Variants in APCDD1L observed in about 807,000 individuals in gnomAD.
APCDD1L encodes the protein APC down-regulated 1 like.
A neutral mutation model predicts 24.2 loss-of-function variants in APCDD1L; 21 were observed. That is an observed-to-expected ratio of 0.87 (90% CI 0.61 to 1.25). The LOEUF is 1.25. Ranked by LOEUF, APCDD1L falls within the 50% of genes most tolerant of loss-of-function variation. The pLI, the probability that APCDD1L is intolerant of heterozygous loss-of-function variation, is 0.00. For synonymous variants in APCDD1L, 321 were observed against 323.6 expected (o/e 0.99, Z 0.09); for missense variants, 704 against 711.7 (o/e 0.99, Z 0.12).
chr20:58,489,793 G>A (rs1387759344), intron 1 of APCDD1L, among the ~76,000 whole-genome samples: 1 of 152,150 alleles, frequency 6.6e-6, no homozygotes, highest in East Asian at 1.9e-4. Flanking sequence ...TCTTAGTATG[G>A]ACGGCAGATC....
intron 1 of APCDD1L, among the ~76,000 whole-genome samples, chr20:58,499,640 A>G (rs530721062): frequency 2.6e-5 from 4 of 152,266 alleles, no homozygotes; most frequent in Admixed American, 6.5e-5. Context: ...CTTCCCAAGC[A>G]CGTTCATAGG....
chr20:58,506,297 G>C (rs543118171), intron 1 of APCDD1L, among the ~76,000 whole-genome samples: 36 of 152,138 alleles, frequency 2.4e-4, no homozygotes, highest in Non-Finnish European at 4.4e-4. Flanking sequence ...CACCATTTCT[G>C]TCTCTTTCTC....
At chr20:58,506,557 G>A (rs759235129) in intron 1 of APCDD1L, among the ~76,000 whole-genome samples, 11 of 152,222 alleles carry the variant, frequency 7.2e-5, no homozygotes, top group Non-Finnish European at 1.6e-4. Context: ...ACTGAGGCAT[G>A]GAGGGATTAA....
intron 1 of APCDD1L, among the ~76,000 whole-genome samples, chr20:58,474,036 G>A (rs370568558): frequency 1.3e-5 from 2 of 152,260 alleles, no homozygotes; most frequent in African/African-American, 4.8e-5. Flanking sequence ...GGGGCCTTCC[G>A]GGGAAAGGAC....
chr20:58,484,526 T>C (rs572812789), intron 1 of APCDD1L, among the ~76,000 whole-genome samples: 1 of 152,352 alleles, frequency 6.6e-6, no homozygotes, highest in Non-Finnish European at 1.5e-5. Flanking sequence ...ATCATTTTTA[T>C]AAAATGGGGT....
In APCDD1L at chr20:58,461,265, C is replaced by G. The variant is rs769199357; in HGVS notation, c.1031G>C (p.Arg344Thr). 3 of 1,613,306 alleles carry G rather than the reference C, an allele frequency of 1.9e-6. No homozygotes were observed. The highest frequency in any genetic ancestry group is 4.5e-5 in the East Asian group (2 of 44,852). Residue 344 changes from arginine to threonine, a missense_variant, in exon 4 of 4, where the codon AGG becomes ACG. Physicochemically the swap from Arg to Thr is moderately conservative, Grantham distance 71. Transcript: ENST00000371149. The surrounding 1 kb of genome is among the most constrained non-coding windows in gnomAD (Gnocchi z 6.0). ...CACCAGCTCGGTGCCGCCGCGGACC[C>G]TGGTGGATGGCGTGCCCCTGGTGTA... ...GRYTRGTPSTRVRGGTELVFE... is the reference protein window; with the variant it reads ...GRYTRGTPSTTVRGGTELVFE...
Position 58,501,647 on chromosome 20 carries a change from T to C in APCDD1L, c.49+13012A>G, listed in dbSNP as rs908890509. ...AAGCAAATACAGACCTCCCATCCAG[T>C]TCATCTCCAAGTCCTGACAGTTCCA... On this transcript the variant is annotated intron_variant, in intron 1 of 3. Coordinates refer to ENST00000371149, the MANE Select transcript of APCDD1L (RefSeq NM_153360.3). Among the ~76,000 whole-genome samples, 69 of 152,310 alleles carry C rather than the reference T, an allele frequency of 4.5e-4. 1 individual carries two copies. Among genetic ancestry groups the C allele is most frequent in the African/African-American group, 1.3e-3 (52 of 41,580 alleles).
chr20:58,486,435 G>T (rs1990118308), intron 1 of APCDD1L, among the ~76,000 whole-genome samples: 1 of 152,142 alleles, frequency 6.6e-6, no homozygotes, highest in African/African-American at 2.4e-5. Flanking sequence ...AAAGAGAGGG[G>T]ATGCAAACTA....
At chr20:58,470,499 C>G in intron 2 of APCDD1L, 110 bp downstream of exon 2, 1 of 1,408,658 alleles carries the variant, frequency 7.1e-7, no homozygotes, top group Non-Finnish European at 9.4e-7. Flanking sequence ...GGTAGAAGGC[C>G]TCTTGGATAA....
chr20:58,514,121 C>A, intron 1 of APCDD1L: 1 of 383,864 alleles, frequency 2.6e-6, no homozygotes, highest in Non-Finnish European at 4.6e-6. Flanking sequence ...GTTCCTGAAG[C>A]CCCTTGGTCC....
At chr20:58,500,687 C>A (rs542506781) in intron 1 of APCDD1L, among the ~76,000 whole-genome samples, 2 of 152,148 alleles carry the variant, frequency 1.3e-5, no homozygotes, top group Non-Finnish European at 2.9e-5. Flanking sequence ...GCTTTCCTTT[C>A]GGCTCACACC....
chr20:58,507,828 C>T (rs977750426), intron 1 of APCDD1L, among the ~76,000 whole-genome samples: 2 of 152,202 alleles, frequency 1.3e-5, no homozygotes, highest in African/African-American at 4.8e-5. Context: ...CATATGATGA[C>T]AGCACAAACA....
chr20:58,502,227 A>G (rs901144392), intron 1 of APCDD1L, among the ~76,000 whole-genome samples: 2 of 152,062 alleles, frequency 1.3e-5, no homozygotes, highest in Non-Finnish European at 2.9e-5. Flanking sequence ...CAGCCTCCCA[A>G]GTAGCTAGGA....
intron 2 of APCDD1L, among the ~76,000 whole-genome samples, 192 bp downstream of exon 2, chr20:58,470,417 G>T (rs534460725): frequency 6.6e-6 from 1 of 152,246 alleles, no homozygotes; most frequent in South Asian, 2.1e-4. Flanking sequence ...GACCATGGAC[G>T]TGATGCCCAA....
At chr20:58,492,230 C>G (rs1411130256) in intron 1 of APCDD1L, among the ~76,000 whole-genome samples, 1 of 152,206 alleles carries the variant, frequency 6.6e-6, no homozygotes, top group Non-Finnish European at 1.5e-5. Flanking sequence ...AAATGAGGAA[C>G]TTCTGTTATT....
chr20:58,477,070 C>T (rs1989923647), intron 1 of APCDD1L, among the ~76,000 whole-genome samples: 1 of 152,232 alleles, frequency 6.6e-6, no homozygotes, highest in Admixed American at 6.5e-5. Context: ...TAATTTCAGA[C>T]TTACAAAAAT....
chr20:58,465,760 C>A (rs1336443173), intron 3 of APCDD1L, among the ~76,000 whole-genome samples: 1 of 152,194 alleles, frequency 6.6e-6, no homozygotes, highest in Non-Finnish European at 1.5e-5. Flanking sequence ...GAACCTCTGA[C>A]CTTGTATGAC....
chr20:58,484,715 CAGGG>C (rs1990087851), intron 1 of APCDD1L, among the ~76,000 whole-genome samples: 1 of 152,142 alleles, frequency 6.6e-6, no homozygotes, highest in Non-Finnish European at 1.5e-5. Context: ...TGTAATAACT[CAGGG>C]AGGCCGGTGC....
rs1217239567 is a variant in APCDD1L at position 58,508,933 on chromosome 20, C to CGTGAGTGTGT, written c.49+5716_49+5725dup. Among the ~76,000 whole-genome samples, 1 of 151,312 alleles carries CGTGAGTGTGT rather than the reference C, an allele frequency of 6.6e-6. No individual in the cohort carries two copies. Among genetic ancestry groups the CGTGAGTGTGT allele is most frequent in the Non-Finnish European group, 1.5e-5 (1 of 67,852 alleles). On this transcript the variant is annotated intron_variant, in intron 1 of 3. Coordinates refer to ENST00000371149, the MANE Select transcript of APCDD1L (RefSeq NM_153360.3). This position sits in a 1 kb window ranked among gnomAD's most constrained non-coding sequence, Gnocchi z 4.0. ...ACATGCGTGAGTGTGCATGAGTGTG[C>CGTGAGTGTGT]GTGAGTGTGTGTGAGTGTGCATGTG... is the stretch of plus-strand genomic sequence containing the variant.
Sources: allele counts gnomAD v4.1 joint callset (sites outside exome capture counted in the v4.1 genomes callset), GRCh38; gene constraint gnomAD v4.1.1; non-coding constraint Gnocchi (gnomAD v3.1); transcripts MANE v1.5; gene names NCBI Gene and HGNC (gene_info 2026-07-23, HGNC 2026-07-21).